Variants in EVL observed in about 807,000 individuals in gnomAD.
The protein encoded by EVL is ena/VASP-like protein.
A neutral mutation model predicts 59.6 loss-of-function variants in EVL; 21 were observed. The ratio of observed to expected loss-of-function variants is 0.35; its 90% CI spans 0.25 to 0.51. The LOEUF (loss-of-function observed/expected upper bound fraction) is 0.51, where lower values mean the gene tolerates loss of function less well. Among genes scored for constraint, EVL ranks in the 20% least tolerant of loss-of-function variants. The pLI, the probability that EVL is intolerant of heterozygous loss-of-function variation, is 0.97. For missense variants in EVL, 462 were observed against 546.6 expected, an observed-to-expected ratio of 0.85 and a Z score of 1.54; for synonymous variants, 198 against 203.5, an observed-to-expected ratio of 0.97 and a Z score of 0.23.
At chr14:100,038,568 T>A (rs766414004) in intron 1 of EVL, among the ~76,000 whole-genome samples, 2 of 152,232 alleles carry the variant, frequency 1.3e-5, no homozygotes, top group Admixed American at 1.3e-4. Context: ...CACTTGTCCC[T>A]TTGTGCCATT....
chr14:100,006,769 A>G (rs914759680), intron 1 of EVL, among the ~76,000 whole-genome samples: 2 of 151,562 alleles, frequency 1.3e-5, no homozygotes, highest in Non-Finnish European at 2.9e-5. Context: ...TCGTGGAAGC[A>G]GGAAAAACTT....
chr14:100,125,289 C>T (rs1490208345), intron 4 of EVL, among the ~76,000 whole-genome samples: 3 of 146,090 alleles, frequency 2.1e-5, no homozygotes, highest in Admixed American at 6.7e-5. Context: ...CACACACACA[C>T]ACACGGCAGG....
chr14:100,144,021 C>T lies in EVL; in HGVS notation c.*283C>T, dbSNP rs1370109924. On this transcript the variant is annotated 3_prime_UTR_variant, in exon 14 of 14. Coordinates refer to ENST00000392920, the MANE Select transcript of EVL (RefSeq NM_016337.3). The stretch of plus-strand genomic sequence containing the variant: ...ATTTCTTTGGGTTTCTAGAGACGCC[C>T]CTAAGTCACCTGCTTCATTAGACGG... 2.1e-6 allele frequency: 1 copy of T among 473,732 alleles called. No individual in the cohort carries two copies. The highest frequency in any genetic ancestry group is 3.8e-5 in the Admixed American group (1 of 26,654). 29.3% of individuals were successfully genotyped at this position (473,732 alleles called of 1,614,324 possible).
chr14:100,016,703 TTC>T (rs1378635461), intron 1 of EVL, among the ~76,000 whole-genome samples: 3 of 152,200 alleles, frequency 2.0e-5, no homozygotes, highest in Non-Finnish European at 4.4e-5. Flanking sequence ...TCACTTATGT[TTC>T]TGTTTCTGAC....
At chr14:100,076,348 T>C (rs1030734905) in intron 1 of EVL, among the ~76,000 whole-genome samples, 1 of 152,214 alleles carries the variant, frequency 6.6e-6, no homozygotes, top group African/African-American at 2.4e-5. Context: ...TCATCTACAC[T>C]GTGGTCTTGG....
chr14:100,000,198 T>C (rs992555295), intron 1 of EVL, among the ~76,000 whole-genome samples: 2 of 152,194 alleles, frequency 1.3e-5, no homozygotes, highest in African/African-American at 2.4e-5. Context: ...AGGGCACAAC[T>C]TGGTTTTATA....
intron 1 of EVL, among the ~76,000 whole-genome samples, chr14:100,071,333 T>C (rs1427503979): frequency 6.6e-6 from 1 of 152,216 alleles, no homozygotes; most frequent in African/African-American, 2.4e-5. Context: ...ATGCAGCAGT[T>C]CTCAAAATGT....
chr14:100,063,281 G>A (rs2061868521), upstream of EVL, among the ~76,000 whole-genome samples: 1 of 152,160 alleles, frequency 6.6e-6, no homozygotes, highest in South Asian at 2.1e-4. Context: ...TGTCACTGTG[G>A]AAGAAGGGTC....
chr14:100,044,123 A>G (rs2061511416), intron 1 of EVL, among the ~76,000 whole-genome samples: 1 of 152,204 alleles, frequency 6.6e-6, no homozygotes, highest in Non-Finnish European at 1.5e-5. Flanking sequence ...AATCCGGTCA[A>G]GTTGACATCT....
chr14:100,066,236 C>T (rs1002657415), intron 1 of EVL, among the ~76,000 whole-genome samples: 2 of 152,236 alleles, frequency 1.3e-5, no homozygotes, highest in Non-Finnish European at 2.9e-5. Flanking sequence ...AACAATCCCT[C>T]ACTTTGAAAA....
intron 1 of EVL, among the ~76,000 whole-genome samples, chr14:99,999,757 T>G (rs994500578): frequency 4.6e-5 from 7 of 152,228 alleles, no homozygotes; most frequent in African/African-American, 1.4e-4. Flanking sequence ...GAGCTTACTA[T>G]GAAGAGGGCA....
At chr14:100,141,328 C>T in intron 12 of EVL, 82 bp downstream of exon 12, 2 of 1,502,450 alleles carry the variant, frequency 1.3e-6, no homozygotes, top group Admixed American at 1.8e-5. Flanking sequence ...CATGGCCAGG[C>T]AGGCCCTGGG....
chr14:100,097,846 T>A (rs1885927555), intron 3 of EVL, 188 bp downstream of exon 3: 1 of 526,434 alleles, frequency 1.9e-6, no homozygotes, highest in Non-Finnish European at 3.3e-6. Flanking sequence ...GAGGAAAGAA[T>A]GGAGTTTGTA....
intron 1 of EVL, among the ~76,000 whole-genome samples, chr14:100,040,512 G>A (rs1430609752): frequency 6.6e-6 from 1 of 152,126 alleles, no homozygotes; most frequent in Non-Finnish European, 1.5e-5. Flanking sequence ...CAGCCATCTG[G>A]GCAGGACAGA....
intron 2 of EVL, among the ~76,000 whole-genome samples, chr14:100,086,512 C>G (rs2062446582): frequency 6.6e-6 from 1 of 152,202 alleles, no homozygotes; most frequent in South Asian, 2.1e-4. Flanking sequence ...CTTCCTGCCT[C>G]TTGGTTGCCC....
intron 6 of EVL, among the ~76,000 whole-genome samples, chr14:100,129,260 TCTC>T (rs1279173446): frequency 6.6e-6 from 1 of 152,140 alleles, no homozygotes; most frequent in African/African-American, 2.4e-5. Context: ...GATAGTCTCT[TCTC>T]CCCTCCCTCC....
chr14:100,020,471 GTGTGTGCAC>G (rs2061102940), intron 1 of EVL, among the ~76,000 whole-genome samples: 1 of 151,678 alleles, frequency 6.6e-6, no homozygotes, highest in South Asian at 2.1e-4. Context: ...GAGTGTGTGT[GTGTGTGCAC>G]GCACACACAC....
chr14:100,008,023 C>T (rs1276646244), intron 1 of EVL, among the ~76,000 whole-genome samples: 2 of 152,160 alleles, frequency 1.3e-5, no homozygotes, highest in Non-Finnish European at 2.9e-5. Flanking sequence ...ATTTCCCAGT[C>T]GCCACTGCTA....
At position 99,972,240 on chromosome 14, in the gene EVL, C is replaced by T. The variant is rs1256563969; in HGVS notation, c.5+183C>T. On this transcript the variant is annotated intron_variant, in intron 1 of 13. Coordinates refer to the EVL transcript ENST00000402714. This position sits in a 1 kb window ranked among gnomAD's most constrained non-coding sequence, Gnocchi z 4.4. Reference sequence around the variant, plus strand: ...GAGCGCGGGAATGGCTTCGCGAGAGCCGTGGGGGCGTCTGGAGAGCCGGGA... The same window carrying T: ...GAGCGCGGGAATGGCTTCGCGAGAGTCGTGGGGGCGTCTGGAGAGCCGGGA... Among the ~76,000 whole-genome samples the T allele has an allele frequency of 6.6e-6, 1 of 151,924 alleles. No homozygotes were observed. Among genetic ancestry groups the T allele is most frequent in the East Asian group, 1.9e-4 (1 of 5,160 alleles).
Sources: allele counts gnomAD v4.1 joint callset (sites outside exome capture counted in the v4.1 genomes callset), GRCh38; gene constraint gnomAD v4.1.1; non-coding constraint Gnocchi (gnomAD v3.1); transcripts MANE v1.5; gene names NCBI Gene and HGNC (gene_info 2026-07-23, HGNC 2026-07-21).